Variants in ACOT12 observed in about 807,000 individuals in gnomAD.
The protein encoded by ACOT12 is acyl-CoA thioesterase 12.
ACOT12 carries 51 observed loss-of-function variants against 67.7 expected under a neutral mutation model. That is an observed-to-expected ratio of 0.75 (90% CI 0.60 to 0.95). The LOEUF is 0.95. Among genes scored for constraint, ACOT12 ranks in the 40% least tolerant of loss-of-function variants. The probability of loss-of-function intolerance (pLI) is 0.00; values close to 1 mark genes in which losing one functional copy is unlikely to be tolerated. For synonymous variants in ACOT12, 251 were observed against 244.6 expected (o/e 1.03, Z -0.24); for missense variants, 734 against 708.1 (o/e 1.04, Z -0.41).
chr5:81,361,580 G>C (rs555697551), intron 4 of ACOT12, among the ~76,000 whole-genome samples: 9 of 152,188 alleles, frequency 5.9e-5, no homozygotes, highest in African/African-American at 2.2e-4. Context: ...CTTGTGTGTT[G>C]GTTCTCCTGA....
intron 3 of ACOT12, among the ~76,000 whole-genome samples, chr5:81,371,095 CAG>C (rs1330840297): frequency 1.3e-5 from 2 of 152,094 alleles, no homozygotes; most frequent in African/African-American, 4.8e-5. Context: ...GGAGAACAAA[CAG>C]AATTAGAATA....
At chr5:81,315,701 T>C in the ACOT12 span, among the ~76,000 whole-genome samples, 1 of 152,142 alleles carries the variant, frequency 6.6e-6, no homozygotes, top group African/African-American at 2.4e-5. Context: ...GGAACCAGTC[T>C]TGAGTTAGCC....
intron 2 of ACOT12, among the ~76,000 whole-genome samples, chr5:81,377,503 G>GAGAA (rs950811749): frequency 3.3e-5 from 5 of 152,270 alleles, no homozygotes; most frequent in South Asian, 2.1e-4. Flanking sequence ...AATCCGGCAA[G>GAGAA]AGAAAGAAAG....
At chr5:81,361,675 T>C (rs754504885) in intron 4 of ACOT12, among the ~76,000 whole-genome samples, 10 of 152,188 alleles carry the variant, frequency 6.6e-5, no homozygotes, top group Non-Finnish European at 1.5e-4. Flanking sequence ...AGCATGGCTG[T>C]GCCTGGAGAC....
At chr5:81,365,181 C>T (rs1760038587) in intron 3 of ACOT12, among the ~76,000 whole-genome samples, 1 of 152,182 alleles carries the variant, frequency 6.6e-6, no homozygotes, top group Admixed American at 6.5e-5. Context: ...ATGAGTAATA[C>T]TATCTTCTGA....
chr5:81,359,312 T>A (rs1407891540), intron 5 of ACOT12, among the ~76,000 whole-genome samples: 4 of 152,108 alleles, frequency 2.6e-5, no homozygotes, highest in Non-Finnish European at 5.9e-5. Context: ...GGCGGGGCTC[T>A]GCCTTTCCCT....
intron 3 of ACOT12, among the ~76,000 whole-genome samples, chr5:81,366,145 A>G (rs536983531): frequency 3.3e-5 from 5 of 152,356 alleles, no homozygotes; most frequent in Admixed American, 6.5e-5. Context: ...GTAGCCCTAA[A>G]GTAGAGTATT....
At chr5:81,362,536 A>T (rs974170399) in intron 4 of ACOT12, among the ~76,000 whole-genome samples, 2 of 152,126 alleles carry the variant, frequency 1.3e-5, no homozygotes, top group African/African-American at 4.8e-5. Context: ...GGGGAATATG[A>T]CGGTCTTCCT....
At chr5:81,372,807 C>G (rs1401098039) in intron 2 of ACOT12, among the ~76,000 whole-genome samples, 3 of 152,136 alleles carry the variant, frequency 2.0e-5, no homozygotes, top group Non-Finnish European at 4.4e-5. Context: ...ACTGAGTAGT[C>G]CTGGCATTAA....
intron 5 of ACOT12, among the ~76,000 whole-genome samples, chr5:81,357,348 A>G: frequency 6.6e-6 from 1 of 152,256 alleles, no homozygotes; most frequent in East Asian, 1.9e-4. Flanking sequence ...TTATACCTCT[A>G]GTGGCAAGCA....
intron 2 of ACOT12, among the ~76,000 whole-genome samples, chr5:81,380,808 CA>C (rs1425675107): frequency 6.6e-6 from 1 of 152,036 alleles, no homozygotes; most frequent in Non-Finnish European, 1.5e-5. Context: ...AGTTTAATGA[CA>C]GGGGTGTGTT....
chr5:81,354,348 ATT>A (rs548426835), intron 5 of ACOT12, among the ~76,000 whole-genome samples: 165 of 152,302 alleles, frequency 1.1e-3, no homozygotes, highest in African/African-American at 3.9e-3. Context: ...CCTGTCACTA[ATT>A]TAGACTATCT....
rs150238683 is a variant in ACOT12 at position 81,347,806 on chromosome 5, C to T, written c.621G>A (p.Ala207=). 45 of 1,614,050 alleles carry T rather than the reference C, an allele frequency of 2.8e-5. No individual in the cohort carries two copies. The South Asian group carries it at 3.8e-4, about 14-fold the overall frequency. ...HGNTFGGQIM[A]WMETVATISA... is the part of the protein sequence containing the mutation. ...AAATAGTAGCCACTGTCTCCATCCA[C>T]GCCATAATCTGGCCACCAAATGTAT... Residue 207 remains alanine, a synonymous_variant, in exon 6 of 15, where the codon GCG becomes GCA. Transcript: ENST00000307624.
At chr5:81,342,390 T>G (rs1759224153) in intron 11 of ACOT12, among the ~76,000 whole-genome samples, 1 of 152,110 alleles carries the variant, frequency 6.6e-6, no homozygotes, top group Non-Finnish European at 1.5e-5. Context: ...TCTGTCCTGA[T>G]CTAGATCAGG....
chr5:81,311,362 A>T, the ACOT12 span: 1 of 1,358,982 alleles, frequency 7.4e-7, no homozygotes, highest in Non-Finnish European at 1.0e-6. Context: ...TAATAACTCA[A>T]TTGGGATACT....
At position 81,344,928 on chromosome 5, in the gene ACOT12, T is replaced by C; in HGVS notation, c.887A>G (p.Asn296Ser). 6.2e-7 allele frequency: 1 copy of C among 1,614,066 alleles called. No individual in the cohort carries two copies. The highest frequency in any genetic ancestry group is 1.7e-5 in the Admixed American group (1 of 60,002). ...TTGGATTCTGGGAAACGTGATGAGA[T>C]TTTCCTTATCATCAGCAGCATTGTA... ...LIYNAADDKE[N>S]LITFPRIQPI... is the part of the protein sequence containing the mutation. Residue 296 changes from asparagine (N) to serine (S), a missense_variant, in exon 8 of 15, where the codon AAT becomes AGT. Physicochemically the swap from Asn to Ser is conservative, Grantham distance 46. Coordinates refer to ENST00000307624, the MANE Select transcript of ACOT12 (RefSeq NM_130767.3).
chr5:81,347,109 A>G (rs1016214892), intron 6 of ACOT12, among the ~76,000 whole-genome samples: 8 of 152,228 alleles, frequency 5.3e-5, no homozygotes, highest in East Asian at 1.9e-4. Flanking sequence ...AATTGTCTTT[A>G]AAAAGGTTTG....
chr5:81,362,830 A>G (rs1376229983), intron 4 of ACOT12, among the ~76,000 whole-genome samples: 1 of 152,262 alleles, frequency 6.6e-6, no homozygotes, highest in African/African-American at 2.4e-5. Flanking sequence ...TGCATTTTAA[A>G]AAATAGAATT....
intron 2 of ACOT12, among the ~76,000 whole-genome samples, chr5:81,378,241 T>C (rs1225065638): frequency 3.9e-5 from 6 of 152,080 alleles, no homozygotes; most frequent in African/African-American, 9.7e-5. Flanking sequence ...GGAGAAAGGA[T>C]TCTCTATTTA....
Sources: gnomAD v4.1 joint callset for allele counts (sites outside exome capture counted in the v4.1 genomes callset) on GRCh38, gnomAD v4.1.1 for gene constraint, MANE v1.5 for transcripts, NCBI Gene and HGNC (gene_info 2026-07-23, HGNC 2026-07-21) for gene names.